SLC26A3: variants seen among roughly 807,000 people sequenced by gnomAD.
The protein encoded by SLC26A3 is chloride anion exchanger.
In SLC26A3, 64 loss-of-function variants were observed where a neutral mutation model predicts 85.6. The observed-to-expected ratio is 0.75, with a 90% confidence interval of 0.61 to 0.92. The LOEUF is 0.92. Among genes scored for constraint, SLC26A3 ranks in the 40% least tolerant of loss-of-function variants. SLC26A3 has a pLI of 0.00. For missense variants in SLC26A3, 922 were observed against 927.3 expected (o/e 0.99, Z 0.07); for synonymous variants, 349 against 336.0 (o/e 1.04, Z -0.42).
intron 3 of SLC26A3, among the ~76,000 whole-genome samples, 160 bp downstream of exon 3, chr7:107,793,582 T>C (rs1794440485): frequency 4.6e-5 from 7 of 152,000 alleles, no homozygotes; most frequent in Admixed American, 2.6e-4. Flanking sequence ...GTGAAGTTAA[T>C]GGGTAAGGGA....
intron 6 of SLC26A3, among the ~76,000 whole-genome samples, chr7:107,787,832 A>G (rs1247587552): frequency 6.6e-6 from 1 of 152,150 alleles, no homozygotes; most frequent in Non-Finnish European, 1.5e-5. Context: ...TGCCCTTATT[A>G]GGTCTCTTTG....
Position 107,767,555 on chromosome 7 carries a change from G to A in SLC26A3, c.2271+24C>T, listed in dbSNP as rs774786637. 6.4e-6 allele frequency: 10 copies of A among 1,560,092 alleles called. No individual in the cohort carries two copies. In the Middle Eastern group the frequency reaches 2.0e-3, roughly 307 times the overall value. The stretch of plus-strand genomic sequence containing the variant: ...TTTTTTGCTGTGATGTCTAGGTGAA[G>A]ATAAACCTGTTGAAGAATCTTACCT... On this transcript the variant is annotated intron_variant, in intron 20 of 20. Transcript: ENST00000340010.
chr7:107,770,663 CA>C (rs1794014115), intron 18 of SLC26A3, among the ~76,000 whole-genome samples: 1 of 152,122 alleles, frequency 6.6e-6, no homozygotes. Context: ...TTCATGAGGA[CA>C]GAGGCTTGTC....
intron 17 of SLC26A3, among the ~76,000 whole-genome samples, chr7:107,773,594 T>C (rs898326533): frequency 6.6e-6 from 1 of 152,236 alleles, no homozygotes; most frequent in Non-Finnish European, 1.5e-5. Flanking sequence ...TCTCACTGTA[T>C]TGCTGGAGTG....
At chr7:107,794,670 C>A in intron 1 of SLC26A3, 73 bp from the exon 2 acceptor site, 1 of 743,630 alleles carries the variant, frequency 1.3e-6, no homozygotes, top group East Asian at 2.7e-5. Flanking sequence ...GAGTGAGCTC[C>A]GAACTGAATG....
At chr7:107,780,649 T>C (rs1266371375) in intron 11 of SLC26A3, among the ~76,000 whole-genome samples, 1 of 152,190 alleles carries the variant, frequency 6.6e-6, no homozygotes, top group African/African-American at 2.4e-5. Flanking sequence ...TTTTATATCT[T>C]GAGGACAGTT....
chr7:107,770,099 T>G (rs938953028), intron 18 of SLC26A3, among the ~76,000 whole-genome samples: 4 of 147,716 alleles, frequency 2.7e-5, no homozygotes, highest in African/African-American at 1.0e-4. Flanking sequence ...TCTTTCTTAT[T>G]TCGTCTTTCT....
At chr7:107,795,266 C>T (rs1794476370) in intron 1 of SLC26A3, among the ~76,000 whole-genome samples, 1 of 152,184 alleles carries the variant, frequency 6.6e-6, no homozygotes, top group Non-Finnish European at 1.5e-5. Flanking sequence ...ATTCAAGTTT[C>T]AGGTGATTGT....
intron 1 of SLC26A3, 100 bp from the exon 2 acceptor site, chr7:107,794,697 T>A (rs1175771123): frequency 6.3e-6 from 4 of 634,730 alleles, no homozygotes; most frequent in Non-Finnish European, 1.1e-5. Context: ...CCTTTTAAGA[T>A]CAAAAAAGGC....
rs756781550 is a variant in SLC26A3, at chr7:107,789,654, A to G, written c.605T>C (p.Val202Ala). ...GATGAGGGACTCAGACAGGTATATC[A>G]CTACAAATCCAATCCGCAGAATCCC... is the stretch of plus-strand genomic sequence containing the variant. ...AFGILRIGFV[V>A]IYLSESLISG... Residue 202 changes from valine (V) to alanine (A), a missense_variant, in exon 6 of 21, where the codon GTG (valine) becomes GCG (alanine). Coordinates refer to ENST00000340010, the MANE Select transcript of SLC26A3 (RefSeq NM_000111.3). 6.2e-7 allele frequency: 1 copy of G among 1,614,044 alleles called. No individual in the cohort carries two copies. The highest frequency in any genetic ancestry group is 8.5e-7 in the Non-Finnish European group (1 of 1,179,996).
chr7:107,778,162 T>G lies in SLC26A3; in HGVS notation c.1514+13A>C. On this transcript the variant is annotated intron_variant, in intron 13 of 20. Coordinates refer to ENST00000340010, the MANE Select transcript of SLC26A3 (RefSeq NM_000111.3). Reference sequence around the variant, plus strand: ...CCAAGCCTGCCAGGATGCAGAGCACTTTGAGCACTCACAATTGGGTCCTGA... The same window carrying G: ...CCAAGCCTGCCAGGATGCAGAGCACGTTGAGCACTCACAATTGGGTCCTGA... 1 of 1,587,116 alleles carries G rather than the reference T, an allele frequency of 6.3e-7. No individual in the cohort carries two copies. Among genetic ancestry groups the G allele is most frequent in the Middle Eastern group, 1.7e-4 (1 of 6,028 alleles).
At chr7:107,796,438 C>T (rs1794501265) in intron 1 of SLC26A3, among the ~76,000 whole-genome samples, 1 of 152,074 alleles carries the variant, frequency 6.6e-6, no homozygotes. Context: ...TCTTTCTGGG[C>T]CTCTCCTCCC....
chr7:107,797,739 C>CTTTTTTTTTTTT (rs781396459), intron 1 of SLC26A3, among the ~76,000 whole-genome samples: 3 of 70,536 alleles, frequency 4.3e-5, no homozygotes, highest in Admixed American at 1.3e-4. Context: ...TTGAGCAGGA[C>CTTTTTTTTTTTT]CTTTTTTTTT....
intron 6 of SLC26A3, among the ~76,000 whole-genome samples, chr7:107,787,856 A>G (rs1446791205): frequency 6.6e-6 from 1 of 152,010 alleles, no homozygotes; most frequent in Non-Finnish European, 1.5e-5. Context: ...GTCATTTTTT[A>G]TTTCACAGCC....
chr7:107,769,278 A>G (rs1414766120), intron 18 of SLC26A3, among the ~76,000 whole-genome samples: 2 of 152,218 alleles, frequency 1.3e-5, no homozygotes, highest in Middle Eastern at 3.2e-3. Context: ...GCATGCATGC[A>G]TACATTGATT....
At chr7:107,768,509 T>C (rs761517763) in intron 18 of SLC26A3, among the ~76,000 whole-genome samples, 50 of 152,190 alleles carry the variant, frequency 3.3e-4, no homozygotes, top group Non-Finnish European at 5.4e-4. Context: ...ATAAGAAAGA[T>C]CAAAAGATAA....
At chr7:107,783,844 C>A (rs1347534457) in intron 8 of SLC26A3, among the ~76,000 whole-genome samples, 6 of 152,218 alleles carry the variant, frequency 3.9e-5, no homozygotes, top group African/African-American at 1.4e-4. Context: ...GGGCCTTGGA[C>A]TCTGCCCTGC....
intron 7 of SLC26A3, 102 bp from the exon 8 acceptor site, chr7:107,787,011 G>T: frequency 1.0e-6 from 1 of 971,582 alleles, no homozygotes; most frequent in Non-Finnish European, 1.6e-6. Context: ...TACCTGTTAA[G>T]TAAGAACTCC....
At chr7:107,800,785 A>T (rs941169064) in intron 1 of SLC26A3, among the ~76,000 whole-genome samples, 2 of 152,382 alleles carry the variant, frequency 1.3e-5, no homozygotes, top group African/African-American at 4.8e-5. Context: ...AATTGGAAGA[A>T]GGGATGTAAA....
Sources: allele counts gnomAD v4.1 joint callset (sites outside exome capture counted in the v4.1 genomes callset), GRCh38; gene constraint gnomAD v4.1.1; transcripts MANE v1.5; gene names NCBI Gene and HGNC (gene_info 2026-07-23, HGNC 2026-07-21).